Variants in MGAT4C observed in about 807,000 individuals in gnomAD.
MGAT4C encodes alpha-1,3-mannosyl-glycoprotein 4-beta-N-acetylglucosaminyltransferase C.
Under a neutral mutation model 40.1 loss-of-function variants are expected in MGAT4C, and 19 were observed. The ratio of observed to expected loss-of-function variants is 0.47; its 90% CI spans 0.33 to 0.70. The LOEUF (loss-of-function observed/expected upper bound fraction) is 0.70. MGAT4C is among the 30% of genes least tolerant of loss of function. MGAT4C has a pLI of 0.02. For missense variants in MGAT4C, 491 were observed against 563.2 expected (o/e 0.87, Z 1.30); for synonymous variants, 181 against 187.1 (o/e 0.97, Z 0.27).
chr12:86,750,620 T>G (rs1951219440), intron 1 of MGAT4C, among the ~76,000 whole-genome samples: 1 of 151,784 alleles, frequency 6.6e-6, no homozygotes. Flanking sequence ...TAAAATCTAC[T>G]AAGGGAATAA....
At position 86,435,617 on chromosome 12, in the gene MGAT4C, A is replaced by G. The variant is rs538235147; in HGVS notation, c.-228-352T>C. 7.2e-5 allele frequency among the ~76,000 whole-genome samples: 11 copies of G among 152,048 alleles called. No homozygotes were observed. In the South Asian group the frequency reaches 2.3e-3, roughly 32 times the overall value. The stretch of plus-strand genomic sequence containing the variant: ...TAAATTTAACAATAGTCAGGCCAGT[A>G]TTTATGTACTAATGAGATATCAGTA... On this transcript the variant is annotated intron_variant, in intron 2 of 7. Transcript: ENST00000548651.
intron 2 of MGAT4C, among the ~76,000 whole-genome samples, chr12:86,471,729 T>C (rs1427749524): frequency 2.6e-5 from 4 of 151,976 alleles, no homozygotes; most frequent in African/African-American, 9.7e-5. Flanking sequence ...TAAAATGATG[T>C]AGAAGAGAGA....
At chr12:86,734,638 A>G (rs1416264899) in intron 1 of MGAT4C, among the ~76,000 whole-genome samples, 1 of 151,994 alleles carries the variant, frequency 6.6e-6, no homozygotes, top group African/African-American at 2.4e-5. Flanking sequence ...GCCCTGTAGC[A>G]CATGAGGATA....
At chr12:86,361,860 A>G (rs1955481962) in intron 3 of MGAT4C, among the ~76,000 whole-genome samples, 6 of 152,220 alleles carry the variant, frequency 3.9e-5, no homozygotes, top group Admixed American at 3.9e-4. Flanking sequence ...AAATGTGGAG[A>G]AACAGGAATT....
intron 2 of MGAT4C, among the ~76,000 whole-genome samples, chr12:86,721,434 A>G (rs1950734325): frequency 6.6e-6 from 1 of 151,986 alleles, no homozygotes; most frequent in Non-Finnish European, 1.5e-5. Context: ...AAGAAAAAAA[A>G]AAGTAGACTA....
At chr12:86,729,517 G>T (rs1205346615) in intron 1 of MGAT4C, among the ~76,000 whole-genome samples, 3 of 152,010 alleles carry the variant, frequency 2.0e-5, no homozygotes, top group Admixed American at 2.0e-4. Flanking sequence ...CTAGGTTGAT[G>T]CTAAGAACTG....
intron 1 of MGAT4C, among the ~76,000 whole-genome samples, chr12:86,137,941 C>T (rs1481595253): frequency 6.6e-6 from 1 of 152,124 alleles, no homozygotes; most frequent in Non-Finnish European, 1.5e-5. Context: ...AGCATTTTAC[C>T]CTTCAGGTCT....
At chr12:86,504,915 G>A (rs1248519142) in intron 2 of MGAT4C, among the ~76,000 whole-genome samples, 1 of 152,024 alleles carries the variant, frequency 6.6e-6, no homozygotes, top group Non-Finnish European at 1.5e-5. Context: ...ACAAAGTGCT[G>A]GGATTACAGG....
intron 2 of MGAT4C, among the ~76,000 whole-genome samples, chr12:86,604,316 G>A (rs972928143): frequency 5.3e-5 from 8 of 152,194 alleles, no homozygotes; most frequent in Middle Eastern, 3.4e-3. Flanking sequence ...AAATTCTCAG[G>A]AAGGATGATC....
At chr12:86,677,351 T>G (rs1949886142) in intron 2 of MGAT4C, among the ~76,000 whole-genome samples, 1 of 152,142 alleles carries the variant, frequency 6.6e-6, no homozygotes, top group South Asian at 2.1e-4. Context: ...TAGTACTAAC[T>G]TCATCTTTCA....
At chr12:86,682,137 T>C (rs920660752) in intron 2 of MGAT4C, among the ~76,000 whole-genome samples, 2 of 152,116 alleles carry the variant, frequency 1.3e-5, no homozygotes, top group Non-Finnish European at 1.5e-5. Flanking sequence ...TAGTTTCATA[T>C]ATAGTTCTAA....
intron 1 of MGAT4C, among the ~76,000 whole-genome samples, chr12:86,817,735 AAATT>A (rs1952632828): frequency 6.6e-6 from 1 of 151,564 alleles, no homozygotes; most frequent in Admixed American, 6.6e-5. Context: ...TCATCTCAGA[AAATT>A]AATAGAAATA....
At chr12:85,992,939 T>A (rs1479592327) in intron 2 of MGAT4C, among the ~76,000 whole-genome samples, 1 of 152,190 alleles carries the variant, frequency 6.6e-6, no homozygotes, top group Admixed American at 6.5e-5. Flanking sequence ...CAGAGGTGCC[T>A]CCAGCAGGGG....
intron 2 of MGAT4C, among the ~76,000 whole-genome samples, chr12:86,452,926 C>T (rs1219874682): frequency 6.6e-6 from 1 of 152,116 alleles, no homozygotes; most frequent in Non-Finnish European, 1.5e-5. Flanking sequence ...TGCTACAATG[C>T]ATATTTTCTC....
At chr12:86,441,325 A>AT (rs35057057) in intron 2 of MGAT4C, among the ~76,000 whole-genome samples, 5 of 149,658 alleles carry the variant, frequency 3.3e-5, no homozygotes, top group East Asian at 1.9e-4. Flanking sequence ...CAACCAACTG[A>AT]TTTTTTTTAT....
chr12:86,739,929 G>A (rs1290909881), intron 1 of MGAT4C, among the ~76,000 whole-genome samples: 1 of 150,706 alleles, frequency 6.6e-6, no homozygotes, highest in African/African-American at 2.4e-5. Context: ...ATATGTTTCT[G>A]TAAATTGAGA....
chr12:86,426,569 G>T (rs1471688993), intron 3 of MGAT4C, among the ~76,000 whole-genome samples: 1 of 152,170 alleles, frequency 6.6e-6, no homozygotes, highest in African/African-American at 2.4e-5. Flanking sequence ...AATGTTTCTG[G>T]AATCCAGGTA....
Position 86,106,370 on chromosome 12 carries a change from G to A in MGAT4C, c.-56-56647C>T, listed in dbSNP as rs565785993. On this transcript the variant is annotated intron_variant, in intron 1 of 4. Transcript: ENST00000611864. ...GGCTGGAGTGCAGTGGCACAATCCC[G>A]GCTCACTGCAAACTCCGTTTCTCAG... is the stretch of plus-strand genomic sequence containing the variant. Among the ~76,000 whole-genome samples, 4 of 152,014 alleles carry A rather than the reference G, an allele frequency of 2.6e-5. No homozygotes were observed. In the East Asian group the frequency reaches 5.8e-4, roughly 22 times the overall value.
At chr12:86,742,809 A>T (rs939890607) in intron 1 of MGAT4C, among the ~76,000 whole-genome samples, 1 of 151,596 alleles carries the variant, frequency 6.6e-6, no homozygotes, top group African/African-American at 2.4e-5. Context: ...GTAATCAATA[A>T]TAAAAAAATA....
Sources: gnomAD v4.1 joint callset for allele counts (sites outside exome capture counted in the v4.1 genomes callset) on GRCh38, gnomAD v4.1.1 for gene constraint, MANE v1.5 for transcripts, NCBI Gene and HGNC (gene_info 2026-07-23, HGNC 2026-07-21) for gene names.